LRCH2: variants seen among roughly 807,000 people sequenced by gnomAD.
The protein encoded by LRCH2 is leucine-rich repeat and calponin homology domain-containing protein 2.
In LRCH2, 38 loss-of-function variants were observed where a neutral mutation model predicts 68.9. The ratio of observed to expected loss-of-function variants is 0.55; its 90% CI spans 0.43 to 0.72. The LOEUF is 0.72. Among genes scored for constraint, LRCH2 ranks in the 30% least tolerant of loss-of-function variants. LRCH2 has a pLI of 0.00. For synonymous variants in LRCH2, 191 were observed against 208.1 expected (o/e 0.92, Z 0.71); for missense variants, 528 against 572.9 (o/e 0.92, Z 0.80).
In LRCH2 at chrX:115,184,392, A is replaced by T; in HGVS notation, c.621+19T>A. On this transcript the variant is annotated intron_variant, in intron 3 of 20. Transcript: ENST00000317135. ...TATATTACGCATATTGCATTAATTA[A>T]TACAACTAAGTTACTCACCAATTCC... The T allele has an allele frequency of 9.0e-7, 1 of 1,113,725 alleles. No individual in the cohort carries two copies. The highest frequency in any genetic ancestry group is 2.3e-5 in the South Asian group (1 of 43,622). 91.8% of individuals were successfully genotyped at this position (1,113,725 alleles called of 1,213,427 possible). A position where few individuals can be genotyped will look rare whatever the true frequency, so the allele number is the denominator to read the frequency against.
At chrX:115,232,910 A>G (rs2073162282) in intron 1 of LRCH2, among the ~76,000 whole-genome samples, 1 of 111,929 alleles carries the variant, frequency 8.9e-6, no homozygotes, top group African/African-American at 3.2e-5. Context: ...ACAATAGCCA[A>G]TTTCTCACCC....
intron 20 of LRCH2, among the ~76,000 whole-genome samples, chrX:115,116,945 T>A (rs1000113932): frequency 9.0e-6 from 1 of 111,097 alleles, no homozygotes; most frequent in Non-Finnish European, 1.9e-5. Context: ...TAAGTGAAGA[T>A]CCTGCTCCTT....
intron 3 of LRCH2, 73 bp from the exon 4 acceptor site, chrX:115,179,824 T>C: frequency 9.9e-6 from 4 of 403,704 alleles, no homozygotes; most frequent in Non-Finnish European, 1.4e-5. Flanking sequence ...TATATTCTAA[T>C]TTTTAAATTA....
chrX:115,174,251 C>G (rs1474523703), intron 5 of LRCH2, among the ~76,000 whole-genome samples: 2 of 111,126 alleles, frequency 1.8e-5, no homozygotes, highest in African/African-American at 6.6e-5. Flanking sequence ...ACTCTCTTAA[C>G]AAATTTCAAG....
intron 11 of LRCH2, among the ~76,000 whole-genome samples, chrX:115,161,433 CAAT>C (rs781862119): frequency 1.3e-3 from 150 of 111,521 alleles, no homozygotes; most frequent in African/African-American, 4.3e-3. Context: ...CTTATCACAA[CAAT>C]GTCACTGTAT....
intron 1 of LRCH2, chrX:115,192,861 A>C (rs1214704221): frequency 4.8e-6 from 2 of 413,732 alleles, no homozygotes; most frequent in African/African-American, 5.0e-5. Context: ...TTAAAAGTAT[A>C]AGATATGAAC....
At chrX:115,124,510 T>G (rs1288253778) in intron 16 of LRCH2, among the ~76,000 whole-genome samples, 1 of 112,207 alleles carries the variant, frequency 8.9e-6, no homozygotes, top group East Asian at 2.8e-4. Flanking sequence ...TGGTTTGCTA[T>G]GGAAAGATTT....
At chrX:115,132,315 C>G (rs1471024240) in intron 14 of LRCH2, among the ~76,000 whole-genome samples, 3 of 111,515 alleles carry the variant, frequency 2.7e-5, no homozygotes, top group African/African-American at 9.8e-5. Context: ...GCTAGTTTTC[C>G]CAGCACCATT....
At chrX:115,214,585 T>C (rs1238916170) in intron 1 of LRCH2, among the ~76,000 whole-genome samples, 1 of 111,955 alleles carries the variant, frequency 8.9e-6, no homozygotes, top group Non-Finnish European at 1.9e-5. Context: ...AAAAAACAAC[T>C]TGTAGACATT....
At chrX:115,164,377 A>G (rs1198329259) in intron 10 of LRCH2, among the ~76,000 whole-genome samples, 1 of 111,692 alleles carries the variant, frequency 9.0e-6, no homozygotes, top group Non-Finnish European at 1.9e-5. Context: ...TTCACTTTAA[A>G]AACAGTATCA....
intron 1 of LRCH2, among the ~76,000 whole-genome samples, chrX:115,193,848 C>A (rs1457381172): frequency 9.0e-6 from 1 of 111,327 alleles, no homozygotes; most frequent in African/African-American, 3.3e-5. Context: ...CCCCCAAAAA[C>A]TACCTGAGTA....
rs191246313 is a variant in LRCH2, at chrX:115,191,458, C to A, written c.350-3088G>T. The A allele has an allele frequency of 3.5e-6, 4 of 1,145,562 alleles. No individual in the cohort carries two copies. The East Asian group carries it at 1.4e-4, about 40-fold the overall frequency. 94.4% of individuals were successfully genotyped at this position (1,145,562 alleles called of 1,213,427 possible). On this transcript the variant is annotated intron_variant, in intron 1 of 20. Coordinates refer to ENST00000317135, the MANE Select transcript of LRCH2 (RefSeq NM_020871.4). ...AGGAGGAGGCCGCTACGAGGAGTAC[C>A]GAGGCCGCTTGCTCGATGCCAACAG...
At chrX:115,194,248 T>TTCC (rs1400251943) in intron 1 of LRCH2, among the ~76,000 whole-genome samples, 15 of 111,548 alleles carry the variant, frequency 1.3e-4, no homozygotes, top group Non-Finnish European at 2.8e-4. Flanking sequence ...ATTTCTATTC[T>TTCC]TCCTCCTCCC....
intron 2 of LRCH2, among the ~76,000 whole-genome samples, chrX:115,186,347 A>G (rs1320424188): frequency 4.5e-5 from 4 of 88,107 alleles, no homozygotes; most frequent in Non-Finnish European, 8.3e-5. Context: ...GACTCCGTCT[A>G]AAAAAAAAAA....
intron 14 of LRCH2, among the ~76,000 whole-genome samples, chrX:115,147,969 G>GT (rs1862781022): frequency 9.0e-6 from 1 of 111,173 alleles, no homozygotes; most frequent in African/African-American, 3.3e-5. Flanking sequence ...AGAGGATCAC[G>GT]TGAGCCCAGA....
In LRCH2 at chrX:115,186,637, T is replaced by C. The variant is rs782818889; in HGVS notation, c.494+1589A>G. Among the ~76,000 whole-genome samples, 3 of 110,618 alleles carry C rather than the reference T, an allele frequency of 2.7e-5. No homozygotes were observed. The South Asian group carries it at 1.1e-3, about 42-fold the overall frequency. The stretch of plus-strand genomic sequence containing the variant: ...GTGTTAATAGAGAAGTGTAATTCAG[T>C]TTTTGGCGAATCACTTTTTCCGCAA... On this transcript the variant is annotated intron_variant, in intron 2 of 20. Transcript: ENST00000317135.
At chrX:115,124,040 T>A in intron 16 of LRCH2, 38 bp from the exon 17 acceptor site, 1 of 783,909 alleles carries the variant, frequency 1.3e-6, no homozygotes, top group East Asian at 3.9e-5. Flanking sequence ...AAATAAATAA[T>A]AAAACTTCTT....
rs868954863 is a variant in LRCH2, at chrX:115,174,599, C to A, written c.865-4167G>T. Among the ~76,000 whole-genome samples, 785 of 95,333 alleles carry A rather than the reference C, an allele frequency of 8.2e-3. 22 individuals are homozygous for A. Among genetic ancestry groups the A allele is most frequent in the African/African-American group, 0.028 (682 of 24,293 alleles). The allele number at this position is 95,333 out of a possible 115,157, so 82.8% of individuals were successfully genotyped here. The stretch of plus-strand genomic sequence containing the variant: ...TCATTACACACAAACACACCCCCCC[C>A]CCCACACACACACACACACTATATT... On this transcript the variant is annotated intron_variant, in intron 5 of 20. Coordinates refer to ENST00000317135, the MANE Select transcript of LRCH2 (RefSeq NM_020871.4).
Position 115,123,988 on chromosome X carries a change from A to C in LRCH2, c.1806T>G (p.Thr602=). The change falls in exon 17 of 21, where the codon ACT becomes ACG. Residue 602 remains threonine (T), a synonymous_variant. Coordinates refer to ENST00000317135, the MANE Select transcript of LRCH2 (RefSeq NM_020871.4). ...CAAAGGGACTGTGTGAAAAACCATC[A>C]GTTCTGTCATATTCCTAAAAAAAAA... ...SPVSSEEYDR[T]DGFSHSPFGL... is the part of the protein sequence containing the mutation. The C allele has an allele frequency of 9.2e-7, 1 of 1,083,635 alleles. No homozygotes were observed. The highest frequency in any genetic ancestry group is 1.2e-6 in the Non-Finnish European group (1 of 819,644). The allele number at this position is 1,083,635 out of a possible 1,213,427, so 89.3% of individuals were successfully genotyped here. A position where few individuals can be genotyped will look rare whatever the true frequency, so the allele number is the denominator to read the frequency against.
Sources: gnomAD v4.1 joint callset for allele counts (sites outside exome capture counted in the v4.1 genomes callset) on GRCh38, gnomAD v4.1.1 for gene constraint, MANE v1.5 for transcripts, NCBI Gene and HGNC (gene_info 2026-07-23, HGNC 2026-07-21) for gene names.